ANKRD30BL: variants seen among roughly 807,000 people sequenced by gnomAD.
ANKRD30BL encodes ankyrin repeat domain 30B like.
A neutral mutation model predicts 18.4 loss-of-function variants in ANKRD30BL; 20 were observed. The ratio of observed to expected loss-of-function variants is 1.09; its 90% confidence interval spans 0.77 to 1.58. ANKRD30BL has a LOEUF of 1.58. Among genes scored for constraint, ANKRD30BL ranks in the 40% most tolerant of loss-of-function variants. ANKRD30BL has a pLI of 0.00. For missense variants in ANKRD30BL, 224 were observed against 268.6 expected, an observed-to-expected ratio of 0.83 and a Z score of 1.16; for synonymous variants, 72 against 100.9, an observed-to-expected ratio of 0.71 and a Z score of 1.72.
At chr2:132,174,958 C>T (rs530353004) in intron 1 of ANKRD30BL, among the ~76,000 whole-genome samples, 1 of 152,270 alleles carries the variant, frequency 6.6e-6, no homozygotes, top group Admixed American at 6.5e-5. Flanking sequence ...TCCTTTCCTT[C>T]AATACAAACA....
chr2:132,233,907 C>T (rs1287504769), intron 1 of ANKRD30BL, among the ~76,000 whole-genome samples: 1 of 152,100 alleles, frequency 6.6e-6, no homozygotes, highest in Non-Finnish European at 1.5e-5. Flanking sequence ...CACACCACAC[C>T]TATTCCAAAA....
intron 1 of ANKRD30BL, among the ~76,000 whole-genome samples, chr2:132,221,956 G>A (rs1297101717): frequency 1.5e-5 from 2 of 135,004 alleles, no homozygotes; most frequent in Admixed American, 1.4e-4. Flanking sequence ...GCCCCGTCCG[G>A]GAGGTGAGGG....
chr2:132,239,851 T>C (rs200847359), intron 1 of ANKRD30BL, among the ~76,000 whole-genome samples: 2 of 152,046 alleles, frequency 1.3e-5, no homozygotes, highest in Admixed American at 1.3e-4. Flanking sequence ...GAAACTTCTT[T>C]GTGATATGTG....
In ANKRD30BL at chr2:132,198,615, G is replaced by C; in HGVS notation, n.442-41469C>G. The stretch of plus-strand genomic sequence containing the variant: ...TGGGATCACAGGCATGAGCCACAGC[G>C]CCCAGCCTTTTTTTTTTTTTTTAGA... On this transcript the variant is annotated intron_variant and non_coding_transcript_variant, in intron 1 of 4. Coordinates refer to the ANKRD30BL transcript ENST00000470729. 2.7e-5 allele frequency among the ~76,000 whole-genome samples: 4 copies of C among 149,256 alleles called. 1 individual carries two copies. In the South Asian group the frequency reaches 8.4e-4, roughly 31 times the overall value.
At chr2:132,220,344 CTCCCTG>C (rs1469086581) in intron 1 of ANKRD30BL, among the ~76,000 whole-genome samples, 29 of 102,734 alleles carry the variant, frequency 2.8e-4, no homozygotes, top group African/African-American at 1.5e-3. Context: ...CCCTCTCCCT[CTCCCTG>C]TCCCTCTCCC....
At chr2:132,255,519 G>A (rs140308623) in intron 1 of ANKRD30BL, among the ~76,000 whole-genome samples, 5 of 151,996 alleles carry the variant, frequency 3.3e-5, no homozygotes, top group African/African-American at 1.2e-4. Flanking sequence ...ATTCAACTAC[G>A]AGCTTTTTAA....
chr2:132,162,214 A>C (rs1688094399), upstream of ANKRD30BL, among the ~76,000 whole-genome samples: 1 of 152,050 alleles, frequency 6.6e-6, no homozygotes, highest in Non-Finnish European at 1.5e-5. Flanking sequence ...GGTGGCGCTG[A>C]GCGTCGGTTC....
intron 4 of ANKRD30BL, 117 bp from the exon 5 acceptor site, chr2:132,151,093 A>G (rs1687743036): frequency 2.5e-6 from 1 of 393,486 alleles, no homozygotes; most frequent in Non-Finnish European, 4.5e-6. Context: ...ACATCAGAAC[A>G]TTACTTTTTC....
intron 1 of ANKRD30BL, among the ~76,000 whole-genome samples, chr2:132,191,544 T>G (rs1478694794): frequency 2.0e-5 from 3 of 152,126 alleles, no homozygotes; most frequent in African/African-American, 7.2e-5. Flanking sequence ...ACATTCAGAA[T>G]TGACATTTTT....
chr2:132,251,662 A>C (rs1680653021), intron 1 of ANKRD30BL, among the ~76,000 whole-genome samples: 3 of 152,206 alleles, frequency 2.0e-5, no homozygotes, highest in East Asian at 3.9e-4. Context: ...GTCTCAAAAA[A>C]TGTGCTTTGT....
intron 1 of ANKRD30BL, among the ~76,000 whole-genome samples, chr2:132,231,427 C>T (rs188471472): frequency 1.7e-4 from 26 of 152,308 alleles, no homozygotes; most frequent in Admixed American, 1.5e-3. Flanking sequence ...ATCTGAGGTG[C>T]CAGGTTCATC....
rs554992942 is a variant in ANKRD30BL at position 132,185,653 on chromosome 2, G to A, written n.442-28507C>T. ...CAGGAGATTATGTGATGTTCATGAG[G>A]TGATCATACTGTCTCTGTCCAGGTC... On this transcript the variant is annotated intron_variant and non_coding_transcript_variant, in intron 1 of 4. Coordinates refer to the ANKRD30BL transcript ENST00000470729. Among the ~76,000 whole-genome samples the A allele has an allele frequency of 3.8e-3, 583 of 152,208 alleles. 12 individuals are homozygous for A. The highest frequency in any genetic ancestry group is 0.013 in the African/African-American group (548 of 41,520).
At chr2:132,243,829 T>C (rs1336776129) in intron 1 of ANKRD30BL, among the ~76,000 whole-genome samples, 5 of 152,240 alleles carry the variant, frequency 3.3e-5, no homozygotes, top group African/African-American at 1.2e-4. Context: ...TTGAGCAGTT[T>C]TGAAACACTC....
chr2:132,148,302 C>G, intron 5 of ANKRD30BL, 74 bp from the exon 6 acceptor site: 1 of 1,103,770 alleles, frequency 9.1e-7, no homozygotes, highest in South Asian at 1.4e-5. Context: ...TGGAAAACTT[C>G]TACTCATTCA....
chr2:132,241,762 C>T (rs551064980), intron 1 of ANKRD30BL, among the ~76,000 whole-genome samples: 15 of 151,818 alleles, frequency 9.9e-5, no homozygotes, highest in African/African-American at 2.2e-4. Context: ...TTGAATTTTT[C>T]TTTTGATACG....
At chr2:132,240,467 C>T (rs1263559820) in intron 1 of ANKRD30BL, among the ~76,000 whole-genome samples, 1 of 151,594 alleles carries the variant, frequency 6.6e-6, no homozygotes, top group African/African-American at 2.4e-5. Context: ...CGCTTTGAGG[C>T]CCATGGTGAA....
At chr2:132,207,942 C>A (rs571368601) in intron 1 of ANKRD30BL, among the ~76,000 whole-genome samples, 12 of 152,130 alleles carry the variant, frequency 7.9e-5, no homozygotes, top group African/African-American at 2.2e-4. Flanking sequence ...CATGATTGAG[C>A]ATTCCTTCTT....
chr2:132,222,049 G>C (rs1409017548), intron 1 of ANKRD30BL, among the ~76,000 whole-genome samples: 2 of 131,354 alleles, frequency 1.5e-5, no homozygotes, highest in East Asian at 2.4e-4. Context: ...GAGGCGGGGG[G>C]GGGGGTCGGC....
intron 1 of ANKRD30BL, among the ~76,000 whole-genome samples, chr2:132,176,176 T>C (rs1193078181): frequency 1.3e-5 from 2 of 152,086 alleles, no homozygotes; most frequent in South Asian, 2.1e-4. Flanking sequence ...GGCAGATCAC[T>C]TGAGGTCAGG....
Sources: allele counts gnomAD v4.1 joint callset (sites outside exome capture counted in the v4.1 genomes callset), GRCh38; gene constraint gnomAD v4.1.1; transcripts MANE v1.5; gene names NCBI Gene and HGNC (gene_info 2026-07-23, HGNC 2026-07-21).